The following PCDH15 variants were observed in gnomAD, a reference collection of about 807,000 sequenced individuals.
PCDH15 encodes protocadherin-15.
PCDH15 carries 129 observed loss-of-function variants against 178.5 expected under a neutral mutation model. The ratio of observed to expected loss-of-function variants is 0.72; its 90% CI spans 0.63 to 0.84. The LOEUF (loss-of-function observed/expected upper bound fraction) is 0.84, where lower values mean the gene tolerates loss of function less well. Among genes scored for constraint, PCDH15 ranks in the 40% least tolerant of loss-of-function variants. The pLI, the probability that PCDH15 is intolerant of heterozygous loss-of-function variation, is 0.00. For synonymous variants in PCDH15, 800 were observed against 732.0 expected (o/e 1.09, Z -1.50); for missense variants, 2,230 against 2,099.9 (o/e 1.06, Z -1.21).
At chr10:54,883,932 A>G (rs1954307170) in intron 3 of PCDH15, among the ~76,000 whole-genome samples, 1 of 151,982 alleles carries the variant, frequency 6.6e-6, no homozygotes, top group Non-Finnish European at 1.5e-5. Flanking sequence ...TGTAGTCCTT[A>G]TTGGTGGGAA....
intron 8 of PCDH15, among the ~76,000 whole-genome samples, chr10:54,310,165 G>A (rs1027844476): frequency 6.6e-6 from 1 of 152,058 alleles, no homozygotes; most frequent in Non-Finnish European, 1.5e-5. Flanking sequence ...CTGGAAAGTG[G>A]TCAGATATAA....
At chr10:54,839,358 G>C (rs1953376612) in intron 3 of PCDH15, among the ~76,000 whole-genome samples, 1 of 151,974 alleles carries the variant, frequency 6.6e-6, no homozygotes, top group South Asian at 2.1e-4. Flanking sequence ...AATATCTGAA[G>C]CTGAAGAATA....
At chr10:54,493,831 CAA>C (rs1230445236) in intron 3 of PCDH15, among the ~76,000 whole-genome samples, 1 of 151,930 alleles carries the variant, frequency 6.6e-6, no homozygotes, top group Admixed American at 6.6e-5. Flanking sequence ...GATTTGGAAC[CAA>C]TCCAAATATC....
At chr10:54,614,971 A>T (rs181973348) in intron 2 of PCDH15, among the ~76,000 whole-genome samples, 14 of 152,090 alleles carry the variant, frequency 9.2e-5, no homozygotes, top group Admixed American at 3.3e-4. Context: ...AGTAAATGGT[A>T]ATTGTTTTTG....
intron 2 of PCDH15, among the ~76,000 whole-genome samples, chr10:55,094,716 G>A (rs754637860): frequency 7.2e-5 from 11 of 151,822 alleles, no homozygotes; most frequent in Non-Finnish European, 1.3e-4. Context: ...ACCTAATGAA[G>A]GAATAGAGAT....
intron 28 of PCDH15, among the ~76,000 whole-genome samples, chr10:53,850,710 A>T (rs1197151651): frequency 2.0e-5 from 3 of 152,116 alleles, no homozygotes; most frequent in African/African-American, 7.2e-5. Context: ...TATTTTCAAA[A>T]ATTGTACTAT....
chr10:55,150,600 G>T (rs956175545), intron 2 of PCDH15, among the ~76,000 whole-genome samples: 1 of 151,998 alleles, frequency 6.6e-6, no homozygotes, highest in Admixed American at 6.6e-5. Flanking sequence ...TAAAAATTAT[G>T]GTCTGTTTAC....
intron 3 of PCDH15, among the ~76,000 whole-genome samples, chr10:54,391,647 A>C (rs531212190): frequency 6.6e-6 from 1 of 151,988 alleles, no homozygotes; most frequent in Admixed American, 6.6e-5. Flanking sequence ...CCATGTTTAG[A>C]AAAGAAGGCA....
At chr10:55,516,675 A>G (rs965290322) in intron 2 of PCDH15, among the ~76,000 whole-genome samples, 9 of 152,156 alleles carry the variant, frequency 5.9e-5, no homozygotes, top group African/African-American at 2.2e-4. Context: ...TCAATTGGCG[A>G]GAAGAAGGAT....
chr10:55,450,401 C>T (rs1839408341), intron 2 of PCDH15, among the ~76,000 whole-genome samples: 1 of 152,134 alleles, frequency 6.6e-6, no homozygotes, highest in Admixed American at 6.6e-5. Context: ...ACAAGTAGAG[C>T]AAAGTTAGAA....
chr10:55,467,040 C>G (rs1483734760), intron 2 of PCDH15, among the ~76,000 whole-genome samples: 1 of 152,174 alleles, frequency 6.6e-6, no homozygotes, highest in Non-Finnish European at 1.5e-5. Flanking sequence ...TTGTTTTGCT[C>G]AAGTTTAGTT....
In PCDH15 at chr10:55,206,693, A is replaced by G. The variant is rs140019775; in HGVS notation, c.-155-40042T>C. 1.7e-3 allele frequency among the ~76,000 whole-genome samples: 255 copies of G among 152,216 alleles called. No homozygotes were observed. The Middle Eastern group carries it at 0.017, about 10-fold the overall frequency. Reference sequence around the variant, plus strand: ...TTGGAGCAGTCTGTTTTCCTATTCAAGTTGGTAATATCTACATTTAAATAC... The same window carrying G: ...TTGGAGCAGTCTGTTTTCCTATTCAGGTTGGTAATATCTACATTTAAATAC... On this transcript the variant is annotated intron_variant, in intron 1 of 5. Coordinates refer to the PCDH15 transcript ENST00000458638.
chr10:54,833,518 C>T (rs1953263018), intron 3 of PCDH15, among the ~76,000 whole-genome samples: 1 of 152,148 alleles, frequency 6.6e-6, no homozygotes. Flanking sequence ...TGAAACCTTT[C>T]CTGAATTTCC....
At chr10:54,311,791 A>G (rs988945624) in intron 8 of PCDH15, among the ~76,000 whole-genome samples, 2 of 152,090 alleles carry the variant, frequency 1.3e-5, no homozygotes, top group African/African-American at 4.8e-5. Flanking sequence ...AAAACCGTGT[A>G]ATCTACATTT....
intron 25 of PCDH15, chr10:53,905,072 G>A (rs1288983232): frequency 8.9e-6 from 4 of 448,396 alleles, no homozygotes; most frequent in Admixed American, 2.2e-5. Context: ...TATCTGGATG[G>A]TAACCAAATC....
chr10:55,339,349 C>T (rs548336771), intron 2 of PCDH15, among the ~76,000 whole-genome samples: 1 of 151,940 alleles, frequency 6.6e-6, no homozygotes, highest in Non-Finnish European at 1.5e-5. Flanking sequence ...TTTGGAGTAA[C>T]CTGCTGTCGG....
chr10:54,661,984 T>C (rs1327992089), intron 2 of PCDH15, among the ~76,000 whole-genome samples: 1 of 151,942 alleles, frequency 6.6e-6, no homozygotes, highest in African/African-American at 2.4e-5. Flanking sequence ...TCTTTAGACA[T>C]TGGCCTAGGC....
At chr10:54,445,757 C>G (rs1340880325) in intron 3 of PCDH15, among the ~76,000 whole-genome samples, 2 of 151,412 alleles carry the variant, frequency 1.3e-5, no homozygotes, top group African/African-American at 4.8e-5. Context: ...GTCTTAAAAC[C>G]TATGCACCTG....
At chr10:55,450,097 AGT>A (rs932875208) in intron 2 of PCDH15, among the ~76,000 whole-genome samples, 1 of 152,172 alleles carries the variant, frequency 6.6e-6, no homozygotes, top group African/African-American at 2.4e-5. Context: ...GATATGCAAT[AGT>A]GTTCTATAAT....
Sources: gnomAD v4.1 joint callset for allele counts (sites outside exome capture counted in the v4.1 genomes callset) on GRCh38, gnomAD v4.1.1 for gene constraint, MANE v1.5 for transcripts, NCBI Gene and HGNC (gene_info 2026-07-23, HGNC 2026-07-21) for gene names.